The following TRIM23 variants were observed in gnomAD, a reference collection of about 807,000 sequenced individuals.
The protein encoded by TRIM23 is tripartite motif containing 23.
A neutral mutation model predicts 71.0 loss-of-function variants in TRIM23; 27 were observed. The ratio of observed to expected loss-of-function variants is 0.38; its 90% CI spans 0.28 to 0.52. TRIM23 has a LOEUF of 0.52. Among genes scored for constraint, TRIM23 ranks in the 20% least tolerant of loss-of-function variants. TRIM23 has a pLI of 0.84. For synonymous variants in TRIM23, 234 were observed against 238.0 expected (o/e 0.98, Z 0.16); for missense variants, 482 against 692.3 (o/e 0.70, Z 3.41).
chr5:65,607,401 C>T (rs957637699), intron 6 of TRIM23, among the ~76,000 whole-genome samples: 1 of 152,142 alleles, frequency 6.6e-6, no homozygotes, highest in Admixed American at 6.5e-5. Flanking sequence ...GGCAGTTTCC[C>T]TCATGCTGTT....
intron 1 of TRIM23, among the ~76,000 whole-genome samples, chr5:65,623,833 A>G (rs1489600515): frequency 2.0e-5 from 3 of 152,214 alleles, no homozygotes; most frequent in Non-Finnish European, 2.9e-5. Context: ...TAAAACACCT[A>G]ACTTAGTACG....
At chr5:65,616,671 A>G (rs1754786960) in intron 2 of TRIM23, among the ~76,000 whole-genome samples, 1 of 151,446 alleles carries the variant, frequency 6.6e-6, no homozygotes, top group African/African-American at 2.4e-5. Context: ...AAAGTAGAAG[A>G]AAGGTTCTAT....
chr5:65,600,229 C>T (rs528953157), intron 7 of TRIM23, among the ~76,000 whole-genome samples: 1 of 152,194 alleles, frequency 6.6e-6, no homozygotes, highest in East Asian at 1.9e-4. Flanking sequence ...TTGGGGATTA[C>T]AACTGGAAAT....
At chr5:65,617,040 A>G (rs1754795218) in intron 2 of TRIM23, among the ~76,000 whole-genome samples, 2 of 152,208 alleles carry the variant, frequency 1.3e-5, no homozygotes, top group South Asian at 4.1e-4. Flanking sequence ...TTTTATATAA[A>G]GAAATAGTAT....
chr5:65,607,040 A>G (rs181804219), intron 6 of TRIM23: 3 of 152,370 alleles, frequency 2.0e-5, no homozygotes, highest in Admixed American at 2.0e-4. Context: ...ATCCAGTATC[A>G]TGCCAAGAAC....
intron 1 of TRIM23, among the ~76,000 whole-genome samples, chr5:65,620,545 A>G (rs979128673): frequency 2.6e-5 from 4 of 150,990 alleles, no homozygotes; most frequent in Non-Finnish European, 4.4e-5. Context: ...AAAATAATAG[A>G]ATATATTCAT....
chr5:65,621,743 A>G (rs1027585917), intron 1 of TRIM23, among the ~76,000 whole-genome samples: 18 of 152,158 alleles, frequency 1.2e-4, no homozygotes, highest in African/African-American at 4.3e-4. Context: ...TACACTTCAA[A>G]AAATGCCAAA....
rs1254395375 is a variant in TRIM23 at position 65,590,587 on chromosome 5, G to A, written c.*1182C>T. ...CTCAATGTACCTATTTAAATAAATC[G>A]TGCTTCCATAATAATATTCTTTAAA... On this transcript the variant is annotated 3_prime_UTR_variant, in exon 11 of 11. Transcript: ENST00000231524. 1.1e-5 allele frequency: 11 copies of A among 1,020,714 alleles called. No individual in the cohort carries two copies. The East Asian group carries it at 2.1e-4, about 19-fold the overall frequency. The allele number at this position is 1,020,714 out of a possible 1,614,324, so 63.2% of individuals were successfully genotyped here.
At chr5:65,613,801 A>G in intron 3 of TRIM23, 1 of 1,304,028 alleles carries the variant, frequency 7.7e-7, no homozygotes, top group Non-Finnish European at 1.0e-6. Context: ...TTGCTTACAT[A>G]TCTTTCTTAC....
At chr5:65,619,713 CAT>C (rs2150643650) in intron 1 of TRIM23, among the ~76,000 whole-genome samples, 1 of 152,224 alleles carries the variant, frequency 6.6e-6, no homozygotes, top group South Asian at 2.1e-4. Context: ...AAATAAGAAA[CAT>C]AACATTGTTC....
rs1405984878 is a variant in TRIM23 at position 65,591,436 on chromosome 5, A to T, written c.*333T>A. 4 of 1,594,082 alleles carry T rather than the reference A, an allele frequency of 2.5e-6. No individual in the cohort carries two copies. Among genetic ancestry groups the T allele is most frequent in the Non-Finnish European group, 3.4e-6 (4 of 1,171,386 alleles). On this transcript the variant is annotated 3_prime_UTR_variant, in exon 11 of 11. Transcript: ENST00000231524. Reference sequence around the variant, plus strand: ...TATTCTTTTTTCACTGAAAGAATAAACCTTCACTTACCCTTTCTCTGTGAC... The same window carrying T: ...TATTCTTTTTTCACTGAAAGAATAATCCTTCACTTACCCTTTCTCTGTGAC...
intron 7 of TRIM23, 132 bp from the exon 8 acceptor site, chr5:65,597,312 G>A (rs1754234093): frequency 1.0e-6 from 1 of 978,984 alleles, no homozygotes; most frequent in Non-Finnish European, 1.5e-6. Context: ...TCAAAATACT[G>A]AGTCTGATCT....
At chr5:65,615,087 G>C (rs1019093512) in intron 2 of TRIM23, among the ~76,000 whole-genome samples, 10 of 151,898 alleles carry the variant, frequency 6.6e-5, no homozygotes, top group African/African-American at 2.2e-4. Flanking sequence ...TTTTGGTAGA[G>C]ATGGGGTTTC....
chr5:65,620,752 AT>A (rs1754911686), intron 1 of TRIM23, among the ~76,000 whole-genome samples: 1 of 144,928 alleles, frequency 6.9e-6, no homozygotes, highest in Non-Finnish European at 1.5e-5. Flanking sequence ...TTTATCCTAC[AT>A]TTTTTAAAAA....
At chr5:65,619,103 C>CA (rs1465494632) in intron 1 of TRIM23, among the ~76,000 whole-genome samples, 1 of 152,202 alleles carries the variant, frequency 6.6e-6, no homozygotes, top group Non-Finnish European at 1.5e-5. Flanking sequence ...ACTATTCAAT[C>CA]ATACCTCAAA....
At chr5:65,612,484 A>T (rs1176886845) in intron 3 of TRIM23, among the ~76,000 whole-genome samples, 2 of 152,088 alleles carry the variant, frequency 1.3e-5, no homozygotes, top group South Asian at 2.1e-4. Context: ...AGGTGAGTCT[A>T]TTGCACAATC....
In TRIM23 at chr5:65,592,072, C is replaced by G. The variant is rs116041618; in HGVS notation, c.1546-124G>C. On this transcript the variant is annotated intron_variant, in intron 10 of 10. Transcript: ENST00000231524. ...GAAGCCTAAACAAAAAACCTAGATT[C>G]ATCTTTCAGTAATTATTCTGAGATT... is the stretch of plus-strand genomic sequence containing the variant. 3,286 of 898,690 alleles carry G rather than the reference C, an allele frequency of 3.7e-3. 72 individuals are homozygous for G. In the African/African-American group the frequency reaches 0.05, roughly 14 times the overall value. 55.7% of individuals were successfully genotyped at this position (898,690 alleles called of 1,614,324 possible).
intron 10 of TRIM23, among the ~76,000 whole-genome samples, chr5:65,592,865 A>G (rs1234604950): frequency 6.6e-6 from 1 of 152,312 alleles, no homozygotes; most frequent in African/African-American, 2.4e-5. Context: ...ATTCCCTTCC[A>G]TTGTGTGGCT....
intron 7 of TRIM23, among the ~76,000 whole-genome samples, chr5:65,601,060 C>A (rs1754350141): frequency 6.6e-6 from 1 of 152,156 alleles, no homozygotes; most frequent in South Asian, 2.1e-4. Context: ...TATGGTGCAA[C>A]CATTATGGAA....
Sources: allele counts gnomAD v4.1 joint callset (sites outside exome capture counted in the v4.1 genomes callset), GRCh38; gene constraint gnomAD v4.1.1; transcripts MANE v1.5; gene names NCBI Gene and HGNC (gene_info 2026-07-23, HGNC 2026-07-21).